TNKS2: variants seen among roughly 807,000 people sequenced by gnomAD.
The protein encoded by TNKS2 is poly [ADP-ribose] polymerase tankyrase-2.
TNKS2 carries 72 observed loss-of-function variants against 137.6 expected under a neutral mutation model. The ratio of observed to expected loss-of-function variants is 0.52; its 90% confidence interval spans 0.43 to 0.64. The LOEUF is 0.64. Among genes scored for constraint, TNKS2 ranks in the 30% least tolerant of loss-of-function variants. The probability of loss-of-function intolerance (pLI) is 0.00; values close to 1 mark genes in which losing one functional copy is unlikely to be tolerated. For missense variants in TNKS2, 1,049 were observed against 1,410.2 expected (o/e 0.74, Z 4.10); for synonymous variants, 516 against 512.1 (o/e 1.01, Z -0.10).
intron 13 of TNKS2, among the ~76,000 whole-genome samples, chr10:91,837,292 A>G (rs1377589052): frequency 6.6e-6 from 1 of 152,242 alleles, no homozygotes; most frequent in Non-Finnish European, 1.5e-5. Flanking sequence ...AACAGAATAA[A>G]GTTTATCAAA....
At position 91,859,442 on chromosome 10, in the gene TNKS2, C is replaced by T; in HGVS notation, c.3095-20C>T. 6.9e-7 allele frequency: 1 copy of T among 1,454,560 alleles called. No individual in the cohort carries two copies. The highest frequency in any genetic ancestry group is 9.1e-7 in the Non-Finnish European group (1 of 1,098,602). 90.1% of individuals were successfully genotyped at this position (1,454,560 alleles called of 1,614,324 possible). Reference sequence around the variant, plus strand: ...TAAGATAAATTTTAAATTATTGTTACCCATCTATATGTGTTTCAGGGTCTC... The same window carrying T: ...TAAGATAAATTTTAAATTATTGTTATCCATCTATATGTGTTTCAGGGTCTC... On this transcript the variant is annotated intron_variant, in intron 24 of 26. Transcript: ENST00000371627.
At chr10:91,819,446 A>T in intron 4 of TNKS2, 36 bp from the exon 5 acceptor site, 3 of 1,530,830 alleles carry the variant, frequency 2.0e-6, no homozygotes, top group Middle Eastern at 1.7e-4. Context: ...CATCTGATGA[A>T]GAATGCAAAT....
intron 25 of TNKS2, among the ~76,000 whole-genome samples, chr10:91,859,959 G>C (rs537563218): frequency 1.3e-5 from 2 of 152,180 alleles, no homozygotes; most frequent in East Asian, 3.9e-4. Flanking sequence ...GAGTATTGTA[G>C]GACTCTGTGG....
intron 21 of TNKS2, 73 bp from the exon 22 acceptor site, chr10:91,854,956 G>T (rs1198096457): frequency 3.9e-6 from 3 of 767,828 alleles, no homozygotes; most frequent in East Asian, 2.7e-5. Context: ...GAAAAATTAG[G>T]TGGTTATTTT....
rs181563832 is a variant in TNKS2 at position 91,818,202 on chromosome 10, A to G, written c.520+973A>G. The stretch of plus-strand genomic sequence containing the variant: ...AAGAAGCATTGCCTTGGCAGTCAGT[A>G]TGCAGTTCACATTGTGGGTTTGGAT... On this transcript the variant is annotated intron_variant, in intron 3 of 26. Coordinates refer to ENST00000371627, the MANE Select transcript of TNKS2 (RefSeq NM_025235.4). Among the ~76,000 whole-genome samples the G allele has an allele frequency of 5.1e-4, 77 of 152,298 alleles. 1 individual carries two copies. Among genetic ancestry groups the G allele is most frequent in the African/African-American group, 1.5e-3 (61 of 41,540 alleles).
At chr10:91,843,984 G>A (rs1485195379) in intron 16 of TNKS2, among the ~76,000 whole-genome samples, 1 of 152,196 alleles carries the variant, frequency 6.6e-6, no homozygotes, top group Non-Finnish European at 1.5e-5. Context: ...TGCTAACATG[G>A]TGAGAAAAAG....
At chr10:91,829,169 T>C (rs978338197) in intron 9 of TNKS2, among the ~76,000 whole-genome samples, 1 of 152,150 alleles carries the variant, frequency 6.6e-6, no homozygotes, top group African/African-American at 2.4e-5. Flanking sequence ...TTACCTAATA[T>C]CTTTTATGAG....
intron 15 of TNKS2, among the ~76,000 whole-genome samples, 190 bp from the exon 16 acceptor site, chr10:91,841,982 T>A (rs1049285608): frequency 4.6e-5 from 7 of 152,200 alleles, no homozygotes; most frequent in African/African-American, 1.7e-4. Context: ...CCAGTAATAT[T>A]TAACTGCCTC....
intron 1 of TNKS2, among the ~76,000 whole-genome samples, chr10:91,804,536 C>T (rs1364836891): frequency 6.6e-6 from 1 of 152,164 alleles, no homozygotes; most frequent in Non-Finnish European, 1.5e-5. Context: ...CTTCTGGTTC[C>T]TCATAAAGAG....
rs917461884 is a variant in TNKS2 at position 91,798,894 on chromosome 10, C to G, written c.199+5C>G. The G allele has an allele frequency of 5.8e-6, 8 of 1,378,530 alleles. No individual in the cohort carries two copies. The highest frequency in any genetic ancestry group is 7.6e-6 in the Non-Finnish European group (8 of 1,057,510). 85.4% of individuals were successfully genotyped at this position (1,378,530 alleles called of 1,614,324 possible). On this transcript the variant is annotated splice_donor_5th_base_variant and intron_variant, in intron 1 of 26. Coordinates refer to ENST00000371627, the MANE Select transcript of TNKS2 (RefSeq NM_025235.4). ...CCCCGCTGCACTTCGCCGCAGGTAA[C>G]CGGGGCCAGCGTCCCCTCGCCTCGC...
Position 91,813,139 on chromosome 10 carries a change from C to T in TNKS2, c.356C>T (p.Ala119Val), listed in dbSNP as rs1487887081. ...LLLRHGADPN[A>V]RDNWNYTPLH... is the part of the protein sequence containing the mutation. ...TTGCGACATGGTGCAGACCCCAATG[C>T]TCGAGATAATTGGAATTATACTCCT... The change falls in exon 2 of 27, where the codon GCT becomes GTT. Residue 119 changes from alanine (A) to valine (V), a missense_variant. Around this residue, in one of 6 missense-constraint regions of TNKS2, gnomAD observed 374 missense variants for 460.8 expected, o/e 0.81. Coordinates refer to ENST00000371627, the MANE Select transcript of TNKS2 (RefSeq NM_025235.4). 2.5e-6 allele frequency: 4 copies of T among 1,614,066 alleles called. No individual in the cohort carries two copies. The highest frequency in any genetic ancestry group is 1.1e-5 in the South Asian group (1 of 91,062).
At chr10:91,862,674 G>A (rs888775943) in intron 26 of TNKS2, among the ~76,000 whole-genome samples, 5 of 151,906 alleles carry the variant, frequency 3.3e-5, no homozygotes, top group African/African-American at 1.2e-4. Context: ...AGTAGGTATC[G>A]GAATCACCGC....
chr10:91,807,781 T>C (rs1056289771), intron 1 of TNKS2, among the ~76,000 whole-genome samples: 1 of 151,898 alleles, frequency 6.6e-6, no homozygotes, highest in African/African-American at 2.4e-5. Context: ...GCTCACGAGG[T>C]CAGGAGATCG....
chr10:91,857,561 G>C, intron 24 of TNKS2, 31 bp downstream of exon 24: 1 of 1,425,850 alleles, frequency 7.0e-7, no homozygotes, highest in Non-Finnish European at 9.8e-7. Flanking sequence ...CTCTACCACT[G>C]TCTTCCACAT....
intron 1 of TNKS2, among the ~76,000 whole-genome samples, chr10:91,805,824 T>A (rs1353766904): frequency 6.6e-6 from 1 of 152,172 alleles, no homozygotes; most frequent in African/African-American, 2.4e-5. Flanking sequence ...TTAAGAAGCC[T>A]TTTTCTAAAA....
chr10:91,820,169 C>A, intron 6 of TNKS2, 136 bp downstream of exon 6: 1 of 500,026 alleles, frequency 2.0e-6, no homozygotes, highest in South Asian at 5.6e-5. Context: ...ACAGGTTGCT[C>A]TGAGGGCGCA....
At chr10:91,801,871 C>T (rs1844184024) in intron 1 of TNKS2, among the ~76,000 whole-genome samples, 1 of 152,160 alleles carries the variant, frequency 6.6e-6, no homozygotes, top group African/African-American at 2.4e-5. Context: ...ATCTGAAATT[C>T]TTGACAGTTA....
chr10:91,799,819 C>A (rs574822408), intron 1 of TNKS2, among the ~76,000 whole-genome samples: 1 of 152,290 alleles, frequency 6.6e-6, no homozygotes, highest in African/African-American at 2.4e-5. Flanking sequence ...GGGAGTACCT[C>A]CTCTTACCTC....
Position 91,845,791 on chromosome 10 carries a change from T to C in TNKS2, c.2209T>C (p.Cys737Arg). The change falls in exon 18 of 27, where the codon TGT becomes CGT. Residue 737 changes from cysteine to arginine, a missense_variant. This residue lies in a region of TNKS2 where 328 missense variants were observed against 436.0 expected (regional missense o/e 0.75). Coordinates refer to ENST00000371627, the MANE Select transcript of TNKS2 (RefSeq NM_025235.4). ...AGCTCTACTAATAAAGTATAATGCATGTGTCAATGCCACGGACAAATGGGC... is the reference window on the plus strand; with the variant it reads ...AGCTCTACTAATAAAGTATAATGCACGTGTCAATGCCACGGACAAATGGGC... ...VAALLIKYNA[C>R]VNATDKWAFT... The C allele has an allele frequency of 3.1e-6, 5 of 1,599,454 alleles. No individual in the cohort carries two copies. Among genetic ancestry groups the C allele is most frequent in the Non-Finnish European group, 2.6e-6 (3 of 1,169,324 alleles).
Sources: allele counts gnomAD v4.1 joint callset (sites outside exome capture counted in the v4.1 genomes callset), GRCh38; gene constraint gnomAD v4.1.1; regional missense constraint gnomAD v4.1.1; transcripts MANE v1.5; gene names NCBI Gene and HGNC (gene_info 2026-07-23, HGNC 2026-07-21).